The following SIGIRR variants were observed in gnomAD, a reference collection of about 807,000 sequenced individuals.
The protein encoded by SIGIRR is single Ig IL-1-related receptor.
Under a neutral mutation model 45.6 loss-of-function variants are expected in SIGIRR, and 41 were observed. The observed-to-expected ratio is 0.90, with a 90% CI of 0.70 to 1.17. SIGIRR has a LOEUF of 1.17. Among genes scored for constraint, SIGIRR ranks in the 50% most tolerant of loss-of-function variants. The pLI, the probability that SIGIRR is intolerant of heterozygous loss-of-function variation, is 0.00. For synonymous variants in SIGIRR, 298 were observed against 239.0 expected, an observed-to-expected ratio of 1.25 and a Z score of -2.28; for missense variants, 599 against 539.6, an observed-to-expected ratio of 1.11 and a Z score of -1.09.
chr11:406,263 C>A, intron 9 of SIGIRR, 86 bp downstream of exon 9: 1 of 1,553,142 alleles, frequency 6.4e-7, no homozygotes, highest in Non-Finnish European at 8.7e-7. Flanking sequence ...CACCTGGAGC[C>A]CCTCCAGGCC....
Position 407,029 on chromosome 11 carries a change from G to T in SIGIRR, c.728+33C>A, listed in dbSNP as rs1847347985. On this transcript the variant is annotated intron_variant, in intron 7 of 9. Transcript: ENST00000431843. ...GGACCGTCAGGGGGGTGGGTGCTAC[G>T]CTGGGGCCCACCCAACCCCGCGCGG... is the stretch of plus-strand genomic sequence containing the variant. The T allele has an allele frequency of 3.2e-6, 5 of 1,581,586 alleles. No individual in the cohort carries two copies. The East Asian group carries it at 1.2e-4, about 37-fold the overall frequency.
intron 8 of SIGIRR, 115 bp downstream of exon 8, chr11:406,728 A>G: frequency 7.0e-7 from 1 of 1,423,184 alleles, no homozygotes; most frequent in Non-Finnish European, 9.2e-7. Flanking sequence ...CCCAGGGCCC[A>G]TTCACAAAGC....
In SIGIRR at chr11:406,043, G is replaced by A. The variant is rs7947; in HGVS notation, c.1086C>T (p.Val362=). The A allele has an allele frequency of 0.78, 1,247,334 of 1,589,950 alleles. 493,660 individuals are homozygous for A. The highest frequency in any genetic ancestry group is 1 in the East Asian group (43,500 of 43,526). ...PEGDLGVRGP[V]FGEPSAPPHT... ...GCGGTGGAGCTGATGGCTCTCCAAA[G>A]ACAGGCCCCCGGACACCTGGGGTGG... The change falls in exon 10 of 10, where the codon GTC becomes GTT. Residue 362 remains valine, a synonymous_variant. Transcript: ENST00000431843.
At chr11:412,726 G>A (rs565392674) in intron 1 of SIGIRR, among the ~76,000 whole-genome samples, 1 of 138,770 alleles carries the variant, frequency 7.2e-6, no homozygotes, top group Non-Finnish European at 1.6e-5. Flanking sequence ...GGATGCAGTC[G>A]AGGGGGGGTG....
At chr11:410,111 A>T in intron 1 of SIGIRR, 84 bp from the exon 2 acceptor site, 1 of 1,159,914 alleles carries the variant, frequency 8.6e-7, no homozygotes, top group Non-Finnish European at 1.1e-6. Context: ...ACTGGCCCTG[A>T]CCAGATGCGA....
intron 1 of SIGIRR, among the ~76,000 whole-genome samples, chr11:410,608 C>G (rs1385534602): frequency 9.3e-5 from 5 of 53,586 alleles, no homozygotes; most frequent in African/African-American, 4.6e-4. Flanking sequence ...CTGACCATGT[C>G]TGGATGCAGT....
intron 1 of SIGIRR, among the ~76,000 whole-genome samples, chr11:412,570 G>T (rs375591189): frequency 1.7e-4 from 1 of 5,824 alleles, no homozygotes; most frequent in African/African-American, 1.6e-3. Context: ...GTCGGGGGGG[G>T]GTGCCCAGCT....
intron 1 of SIGIRR, among the ~76,000 whole-genome samples, chr11:412,569 G>T (rs1229727346): frequency 5.8e-4 from 4 of 6,956 alleles, no homozygotes; most frequent in African/African-American, 1.1e-3. Context: ...AGTCGGGGGG[G>T]GGTGCCCAGC....
Position 406,920 on chromosome 11 carries a change from G to A in SIGIRR, c.802C>T (p.Pro268Ser). The change falls in exon 8 of 10, where the codon CCC becomes TCC. Residue 268 changes from proline to serine, a missense_variant. By Grantham distance (74) the Pro-to-Ser change is moderately conservative. Coordinates refer to ENST00000431843, the MANE Select transcript of SIGIRR (RefSeq NM_001135054.2). ...AGCAGGCGGAGCGCCGGGTGCGCGG[G>A]GTCGCGCCTCTGGCCCTCGAAGGTG... ...FITFEGQRRD[P>S]AHPALRLLRQ... The A allele has an allele frequency of 1.3e-6, 2 of 1,596,298 alleles. No individual in the cohort carries two copies. Among genetic ancestry groups the A allele is most frequent in the Non-Finnish European group, 1.7e-6 (2 of 1,176,052 alleles).
chr11:409,815 G>A (rs4074794), intron 2 of SIGIRR, 53 bp downstream of exon 2: 252,085 of 1,363,522 alleles, frequency 0.18, 28,365 homozygotes, highest in East Asian at 0.64. Context: ...CCAGCCTGAG[G>A]GGCAGGAGGT....
At chr11:412,870 G>A (rs563409892) in intron 1 of SIGIRR, among the ~76,000 whole-genome samples, 4 of 152,230 alleles carry the variant, frequency 2.6e-5, no homozygotes, top group Admixed American at 6.5e-5. Flanking sequence ...GGTGAACAGC[G>A]CCCGGTGGGG....
Position 409,858 on chromosome 11 carries a change from A to G in SIGIRR, c.7+10T>C. 1 of 1,332,556 alleles carries G rather than the reference A, an allele frequency of 7.5e-7. No homozygotes were observed. Among genetic ancestry groups the G allele is most frequent in the African/African-American group, 1.5e-5 (1 of 65,700 alleles). 82.5% of individuals were successfully genotyped at this position (1,332,556 alleles called of 1,614,324 possible). A position where few individuals can be genotyped will look rare whatever the true frequency, so the allele number is the denominator to read the frequency against. On this transcript the variant is annotated intron_variant, in intron 2 of 9. Transcript: ENST00000431843. Reference sequence around the variant, plus strand: ...GGGAATTCAAGCCCATCCCTCTCTGACCTGCCTACCTGGCATGGCTCTGAG... The same window carrying G: ...GGGAATTCAAGCCCATCCCTCTCTGGCCTGCCTACCTGGCATGGCTCTGAG...
At chr11:409,825 T>G (rs1487210954) in intron 2 of SIGIRR, 43 bp downstream of exon 2, 1 of 1,363,230 alleles carries the variant, frequency 7.3e-7, no homozygotes, top group Non-Finnish European at 9.5e-7. Context: ...GGGCAGGAGG[T>G]GGGAGTGGGG....
chr11:415,237 TGTGTGTGTGTGTGC>T (rs768288654), upstream of SIGIRR, among the ~76,000 whole-genome samples: 125 of 67,322 alleles, frequency 1.9e-3, no homozygotes, highest in African/African-American at 2.9e-3. The surrounding 1 kb of genome is among the most constrained non-coding windows in gnomAD (Gnocchi z 6.6). Flanking sequence ...TGTGTGTGTG[TGTGTGTGTGTGTGC>T]AGTGTGTCTG....
chr11:409,818 C>T (rs373294652), intron 2 of SIGIRR, 50 bp downstream of exon 2: 7 of 1,365,608 alleles, frequency 5.1e-6, no homozygotes, highest in Middle Eastern at 1.9e-4. Flanking sequence ...GCCTGAGGGG[C>T]AGGAGGTGGG....
intron 1 of SIGIRR, among the ~76,000 whole-genome samples, chr11:411,279 G>A (rs1444744763): frequency 4.8e-5 from 1 of 21,036 alleles, no homozygotes; most frequent in African/African-American, 2.1e-4. Flanking sequence ...TCGGGGGGGG[G>A]GGGTGCCCAG....
chr11:409,732 G>T, intron 2 of SIGIRR, 136 bp downstream of exon 2: 1 of 1,005,222 alleles, frequency 9.9e-7, no homozygotes, highest in Non-Finnish European at 1.3e-6. Flanking sequence ...GGAGGGGTGA[G>T]CAGGGGCCTT....
intron 1 of SIGIRR, among the ~76,000 whole-genome samples, chr11:412,517 A>G (rs566790234): frequency 8.5e-5 from 1 of 11,806 alleles, no homozygotes; most frequent in Non-Finnish European, 1.5e-4. Flanking sequence ...ATGTCTGGAT[A>G]CAGTCGGGGG....
intron 2 of SIGIRR, 51 bp downstream of exon 2, chr11:409,817 G>T: frequency 7.3e-7 from 1 of 1,364,938 alleles, no homozygotes; most frequent in Non-Finnish European, 9.5e-7. Flanking sequence ...AGCCTGAGGG[G>T]CAGGAGGTGG....
Sources: gnomAD v4.1 joint callset for allele counts (sites outside exome capture counted in the v4.1 genomes callset) on GRCh38, gnomAD v4.1.1 for gene constraint, Gnocchi (gnomAD v3.1) non-coding constraint, MANE v1.5 for transcripts, NCBI Gene and HGNC (gene_info 2026-07-23, HGNC 2026-07-21) for gene names.